CCDC60: variants seen among roughly 807,000 people sequenced by gnomAD.
CCDC60 encodes coiled-coil domain-containing protein 60.
Under a neutral mutation model 63.5 loss-of-function variants are expected in CCDC60, and 54 were observed. That is an observed-to-expected ratio of 0.85 (90% CI 0.68 to 1.07). The LOEUF (loss-of-function observed/expected upper bound fraction) is 1.07, where lower values mean the gene tolerates loss of function less well. Ranked by LOEUF, CCDC60 falls within the 50% of genes least tolerant of loss-of-function variation. The pLI is 0.00. For missense variants in CCDC60, 651 were observed against 684.3 expected (o/e 0.95, Z 0.54); for synonymous variants, 206 against 238.8 (o/e 0.86, Z 1.27).
intron 1 of CCDC60, among the ~76,000 whole-genome samples, chr12:119,380,769 G>A (rs1593004417): frequency 6.6e-6 from 1 of 152,290 alleles, no homozygotes; most frequent in Non-Finnish European, 1.5e-5. Context: ...AACAGAAAGG[G>A]CAGGCCTCAG....
chr12:119,508,928 C>A (rs1031624098), intron 7 of CCDC60, among the ~76,000 whole-genome samples: 11 of 152,038 alleles, frequency 7.2e-5, no homozygotes, highest in African/African-American at 2.4e-4. Context: ...CAGAGCTTGC[C>A]CATGGTTCTC....
chr12:119,410,419 A>G lies in CCDC60; in HGVS notation c.91-18264A>G, dbSNP rs1263732596. Among the ~76,000 whole-genome samples, 1 of 152,152 alleles carries G rather than the reference A, an allele frequency of 6.6e-6. No homozygotes were observed. The highest frequency in any genetic ancestry group is 1.9e-4 in the East Asian group (1 of 5,194). ...AAGTAATAAAAAATGAAATGACAGA[A>G]AACTCAGTGCTCCATCTTCAGTCCT... On this transcript the variant is annotated intron_variant, in intron 1 of 13. Coordinates refer to ENST00000327554, the MANE Select transcript of CCDC60 (RefSeq NM_178499.5). The surrounding 1 kb of genome is among the most constrained non-coding windows in gnomAD (Gnocchi z 4.0).
chr12:119,480,738 C>G (rs557309326), intron 4 of CCDC60, among the ~76,000 whole-genome samples: 1 of 150,770 alleles, frequency 6.6e-6, no homozygotes, highest in Admixed American at 6.6e-5. Flanking sequence ...CCACCATCAT[C>G]ATCACCATCA....
chr12:119,530,774 G>A (rs995228483), intron 12 of CCDC60, 100 bp from the exon 13 acceptor site: 1 of 964,790 alleles, frequency 1.0e-6, no homozygotes, highest in African/African-American at 1.6e-5. Flanking sequence ...CTGCCCTGGA[G>A]ACATCACAGA....
chr12:119,385,659 G>A (rs1014814649), intron 1 of CCDC60, among the ~76,000 whole-genome samples: 7 of 152,168 alleles, frequency 4.6e-5, no homozygotes, highest in African/African-American at 1.7e-4. Flanking sequence ...CCTGAAAACA[G>A]ACTAATACAA....
chr12:119,360,157 G>A (rs1219718256), intron 1 of CCDC60, among the ~76,000 whole-genome samples: 32 of 148,132 alleles, frequency 2.2e-4, no homozygotes, highest in Non-Finnish European at 4.5e-4. Context: ...CTGGCCGGGC[G>A]GGGGGCTGAC....
In CCDC60 at chr12:119,449,769, G is replaced by T. The variant is rs944600678; in HGVS notation, c.170+21007G>T. On this transcript the variant is annotated intron_variant, in intron 2 of 13. Coordinates refer to ENST00000327554, the MANE Select transcript of CCDC60 (RefSeq NM_178499.5). ...CAGACAGGTCAATCAGCAGGTTCAT[G>T]GGAGAGACCAGGGGTGTCTAACCTA... Among the ~76,000 whole-genome samples the T allele has an allele frequency of 9.2e-5, 14 of 152,090 alleles. 1 individual carries two copies. Among genetic ancestry groups the T allele is most frequent in the Non-Finnish European group, 1.9e-4 (13 of 68,022 alleles).
At chr12:119,364,477 C>G (rs1400866485) in intron 1 of CCDC60, among the ~76,000 whole-genome samples, 1 of 152,132 alleles carries the variant, frequency 6.6e-6, no homozygotes. Context: ...AATTGAATCA[C>G]ATAGTATATG....
intron 2 of CCDC60, among the ~76,000 whole-genome samples, chr12:119,459,975 CTG>C (rs573586480): frequency 5.9e-5 from 9 of 152,314 alleles, no homozygotes; most frequent in Admixed American, 4.6e-4. Context: ...GTGGCTTTAT[CTG>C]TGCAGTGGGT....
chr12:119,414,136 A>C (rs541142748), intron 1 of CCDC60, among the ~76,000 whole-genome samples: 11 of 152,040 alleles, frequency 7.2e-5, no homozygotes, highest in Admixed American at 5.2e-4. Context: ...CTTCTCCCTC[A>C]GCCTCCCAAG....
intron 13 of CCDC60, among the ~76,000 whole-genome samples, chr12:119,531,265 C>T (rs1020335443): frequency 1.3e-5 from 2 of 152,060 alleles, no homozygotes; most frequent in South Asian, 2.1e-4. Context: ...TAAATGGTAC[C>T]CCCTGGAAAC....
Position 119,505,199 on chromosome 12 carries a change from G to C in CCDC60, c.779G>C (p.Gly260Ala), listed in dbSNP as rs1478765446. The C allele has an allele frequency of 1.9e-6, 3 of 1,613,960 alleles. No individual in the cohort carries two copies. Among genetic ancestry groups the C allele is most frequent in the Non-Finnish European group, 2.5e-6 (3 of 1,180,042 alleles). Residue 260 changes from glycine (G) to alanine (A), a missense_variant, in exon 7 of 14, where the codon GGC becomes GCC. Coordinates refer to ENST00000327554, the MANE Select transcript of CCDC60 (RefSeq NM_178499.5). ...AGCAGCATGATCTCTGTGAACCCTG[G>C]CTCGGATGAGCCCCCAAGTGTGAAC... ...PQSSMISVNP[G>A]SDEPPSVNTQ...
chr12:119,451,461 G>A (rs539250556), intron 2 of CCDC60, among the ~76,000 whole-genome samples: 55 of 150,684 alleles, frequency 3.7e-4, no homozygotes, highest in Middle Eastern at 3.4e-3. Flanking sequence ...GTGATATGTC[G>A]CCTCTCTGGG....
intron 2 of CCDC60, among the ~76,000 whole-genome samples, chr12:119,460,691 T>C (rs1430173423): frequency 6.6e-6 from 1 of 152,226 alleles, no homozygotes; most frequent in African/African-American, 2.4e-5. Flanking sequence ...AAAGCTCATT[T>C]TATGTGTTCA....
chr12:119,432,123 G>C (rs1262670287), intron 2 of CCDC60, among the ~76,000 whole-genome samples: 1 of 150,096 alleles, frequency 6.7e-6, no homozygotes, highest in Non-Finnish European at 1.5e-5. Flanking sequence ...ATTTTGCAAT[G>C]ACAGTTTCAT....
At chr12:119,489,536 G>A (rs770312013) in intron 5 of CCDC60, among the ~76,000 whole-genome samples, 10 of 152,128 alleles carry the variant, frequency 6.6e-5, no homozygotes, top group Non-Finnish European at 1.2e-4. Flanking sequence ...AAGCTTGGAC[G>A]CCACTGTTGC....
At chr12:119,353,595 C>CTTTTTTTTT (rs1955682395) in intron 1 of CCDC60, among the ~76,000 whole-genome samples, 1 of 110,866 alleles carries the variant, frequency 9.0e-6, no homozygotes, top group Non-Finnish European at 1.8e-5. Context: ...TCTTCTTCTT[C>CTTTTTTTTT]TTCTTTTTTT....
At chr12:119,429,182 A>G (rs1295211659) in intron 2 of CCDC60, among the ~76,000 whole-genome samples, 2 of 152,110 alleles carry the variant, frequency 1.3e-5, no homozygotes, top group African/African-American at 2.4e-5. Context: ...CTTTTTCCCT[A>G]TCTGTAAAAT....
At chr12:119,431,729 C>T (rs894676217) in intron 2 of CCDC60, among the ~76,000 whole-genome samples, 2 of 152,192 alleles carry the variant, frequency 1.3e-5, no homozygotes, top group African/African-American at 4.8e-5. Flanking sequence ...CCCAGGCTGG[C>T]GTGCAGTGGC....
Sources: gnomAD v4.1 joint callset for allele counts (sites outside exome capture counted in the v4.1 genomes callset) on GRCh38, gnomAD v4.1.1 for gene constraint, Gnocchi (gnomAD v3.1) non-coding constraint, MANE v1.5 for transcripts, NCBI Gene and HGNC (gene_info 2026-07-23, HGNC 2026-07-21) for gene names.